The following NBEA variants were observed in gnomAD, a reference collection of about 807,000 sequenced individuals.
NBEA encodes lysosomal-trafficking regulator 2.
Under a neutral mutation model 343.4 loss-of-function variants are expected in NBEA, and 44 were observed. The ratio of observed to expected loss-of-function variants is 0.13; its 90% CI spans 0.10 to 0.16. The LOEUF (loss-of-function observed/expected upper bound fraction) is 0.16. NBEA is among the 10% of genes least tolerant of loss of function. The pLI is 1.00. For synonymous variants in NBEA, 1,175 were observed against 1,238.7 expected (o/e 0.95, Z 1.08); for missense variants, 2,555 against 3,631.3 (o/e 0.70, Z 7.62).
At chr13:35,092,367 A>G (rs544231051) in intron 10 of NBEA, among the ~76,000 whole-genome samples, 1 of 152,080 alleles carries the variant, frequency 6.6e-6, no homozygotes, top group Admixed American at 6.6e-5. Flanking sequence ...AAAGGGATAA[A>G]TTTCGTTTTG....
chr13:35,565,189 A>G (rs1593237420), intron 44 of NBEA, among the ~76,000 whole-genome samples: 1 of 152,192 alleles, frequency 6.6e-6, no homozygotes, highest in Admixed American at 6.5e-5. Context: ...CCTATATTAC[A>G]TACCCACACC....
At position 35,421,222 on chromosome 13, in the gene NBEA, C is replaced by G. The variant is rs368023096; in HGVS notation, c.6180-11047C>G. Among the ~76,000 whole-genome samples, 3 of 151,962 alleles carry G rather than the reference C, an allele frequency of 2.0e-5. No homozygotes were observed. In the East Asian group the frequency reaches 5.8e-4, roughly 29 times the overall value. The stretch of plus-strand genomic sequence containing the variant: ...GTTCTGTATTCTTTTGGTTTTCCCT[C>G]GAGAATTCTTTTTTAAATCAAGGGT... On this transcript the variant is annotated intron_variant, in intron 38 of 58. Coordinates refer to ENST00000379939, the MANE Select transcript of NBEA (RefSeq NM_001385012.1).
chr13:35,380,085 G>A (rs766693280), intron 38 of NBEA, among the ~76,000 whole-genome samples: 4 of 152,124 alleles, frequency 2.6e-5, no homozygotes, highest in Non-Finnish European at 4.4e-5. Context: ...CTTTTGATAT[G>A]CAAATGGCAT....
intron 17 of NBEA, among the ~76,000 whole-genome samples, chr13:35,131,057 G>A (rs74051269): frequency 2.6e-5 from 4 of 151,762 alleles, no homozygotes; most frequent in African/African-American, 4.8e-5. Context: ...CTAGGTTCTC[G>A]GTTATGCTTA....
At chr13:35,481,754 T>C (rs2076129462) in intron 41 of NBEA, among the ~76,000 whole-genome samples, 1 of 151,916 alleles carries the variant, frequency 6.6e-6, no homozygotes. Flanking sequence ...TTCTTTTCTA[T>C]ATAATGTATG....
At chr13:35,083,638 C>T (rs2064552879) in intron 10 of NBEA, among the ~76,000 whole-genome samples, 1 of 152,108 alleles carries the variant, frequency 6.6e-6, no homozygotes, top group Non-Finnish European at 1.5e-5. Context: ...CAACTGGTAC[C>T]AGCCACTGCA....
chr13:35,192,452 A>G (rs890317376), intron 30 of NBEA, among the ~76,000 whole-genome samples: 3 of 152,004 alleles, frequency 2.0e-5, no homozygotes, highest in Non-Finnish European at 4.4e-5. Context: ...ATGCTTTACA[A>G]AACATATTTA....
At chr13:35,011,373 A>G (rs1468342129) in intron 1 of NBEA, among the ~76,000 whole-genome samples, 1 of 152,234 alleles carries the variant, frequency 6.6e-6, no homozygotes, top group Non-Finnish European at 1.5e-5. Context: ...AGAAAGTTTA[A>G]TTAGATCCAT....
At chr13:35,517,643 A>G (rs2077534945) in intron 41 of NBEA, among the ~76,000 whole-genome samples, 1 of 152,164 alleles carries the variant, frequency 6.6e-6, no homozygotes. Context: ...TTCAAGGCCC[A>G]TTATCAGATA....
At chr13:35,374,660 A>C (rs758861508) in intron 38 of NBEA, among the ~76,000 whole-genome samples, 4 of 152,142 alleles carry the variant, frequency 2.6e-5, no homozygotes, top group Admixed American at 1.3e-4. Flanking sequence ...AATTGGTAAT[A>C]AATTTAAAAG....
rs182855193 is a variant in NBEA, at chr13:35,265,046, C to T, written c.5777-25343C>T. Among the ~76,000 whole-genome samples, 127 of 151,896 alleles carry T rather than the reference C, an allele frequency of 8.4e-4. No individual in the cohort carries two copies. In the East Asian group the frequency reaches 0.022, roughly 26 times the overall value. ...AAATACATTTAGTTAAGTTGCAGAA[C>T]GCAAATCAATATACAAAAAATCAAT... On this transcript the variant is annotated intron_variant, in intron 34 of 58. Transcript: ENST00000379939.
chr13:35,193,916 G>T (rs2072390624), intron 30 of NBEA, among the ~76,000 whole-genome samples: 1 of 151,778 alleles, frequency 6.6e-6, no homozygotes, highest in Non-Finnish European at 1.5e-5. Context: ...TTTTAAGTCA[G>T]TTTAAATTAG....
chr13:35,070,201 T>A (rs964689228), intron 9 of NBEA, 96 bp downstream of exon 9: 1 of 1,256,472 alleles, frequency 8.0e-7, no homozygotes, highest in African/African-American at 1.5e-5. Flanking sequence ...AATCTATGAT[T>A]TTTTTGCTTC....
chr13:35,494,949 C>T (rs1015280705), intron 41 of NBEA, among the ~76,000 whole-genome samples: 5 of 151,404 alleles, frequency 3.3e-5, no homozygotes, highest in Non-Finnish European at 5.9e-5. Context: ...AGATTGAAGC[C>T]GCAGTGAGCT....
chr13:35,059,915 A>G (rs1429705512), intron 8 of NBEA, among the ~76,000 whole-genome samples: 1 of 151,772 alleles, frequency 6.6e-6, no homozygotes, highest in Non-Finnish European at 1.5e-5. Context: ...TGTATTTTCC[A>G]TATCATTTTT....
chr13:35,640,082 G>A lies in NBEA; in HGVS notation c.7618-5787G>A, dbSNP rs549648069. Among the ~76,000 whole-genome samples the A allele has an allele frequency of 7.2e-5, 11 of 152,252 alleles. No individual in the cohort carries two copies. The East Asian group carries it at 1.9e-3, about 27-fold the overall frequency. On this transcript the variant is annotated intron_variant, in intron 49 of 58. Transcript: ENST00000379939. Reference sequence around the variant, plus strand: ...TTTTGCCTACCACACACCAGAGAAGGTATGGCTTCTGAATTCTGGCTTACT... The same window carrying A: ...TTTTGCCTACCACACACCAGAGAAGATATGGCTTCTGAATTCTGGCTTACT...
At chr13:35,253,449 T>C (rs1424543749) in intron 34 of NBEA, among the ~76,000 whole-genome samples, 1 of 152,224 alleles carries the variant, frequency 6.6e-6, no homozygotes, top group African/African-American at 2.4e-5. Context: ...TGTAACATAA[T>C]TTTTATATAC....
intron 49 of NBEA, among the ~76,000 whole-genome samples, chr13:35,640,783 A>T (rs1429919775): frequency 6.6e-6 from 1 of 152,178 alleles, no homozygotes; most frequent in African/African-American, 2.4e-5. Flanking sequence ...TAACCTGAAA[A>T]TCATTTATGC....
intron 35 of NBEA, among the ~76,000 whole-genome samples, chr13:35,290,732 A>T (rs1055250473): frequency 4.6e-5 from 7 of 151,020 alleles, no homozygotes; most frequent in African/African-American, 1.7e-4. Context: ...ATATATGTAT[A>T]TAAAATACGA....
Sources: allele counts gnomAD v4.1 joint callset (sites outside exome capture counted in the v4.1 genomes callset), GRCh38; gene constraint gnomAD v4.1.1; transcripts MANE v1.5; gene names NCBI Gene and HGNC (gene_info 2026-07-23, HGNC 2026-07-21).